CTNNA3: variants seen among roughly 807,000 people sequenced by gnomAD.
CTNNA3 encodes the protein catenin alpha-3.
In CTNNA3, 76 loss-of-function variants were observed where a neutral mutation model predicts 95.7. The observed-to-expected ratio is 0.79, with a 90% confidence interval of 0.66 to 0.96. CTNNA3 has a LOEUF of 0.96. CTNNA3 is among the 40% of genes least tolerant of loss of function. The pLI, the probability that CTNNA3 is intolerant of heterozygous loss-of-function variation, is 0.00. For synonymous variants in CTNNA3, 431 were observed against 374.4 expected (o/e 1.15, Z -1.74); for missense variants, 1,191 against 1,089.8 (o/e 1.09, Z -1.31).
chr10:66,077,348 A>AT (rs2080587113), intron 14 of CTNNA3, among the ~76,000 whole-genome samples: 1 of 151,762 alleles, frequency 6.6e-6, no homozygotes, highest in Non-Finnish European at 1.5e-5. Context: ...ATTTTCTACA[A>AT]TTTTTTGTGG....
At chr10:67,387,713 G>C (rs1417495066) in intron 5 of CTNNA3, among the ~76,000 whole-genome samples, 1 of 152,208 alleles carries the variant, frequency 6.6e-6, no homozygotes, top group Non-Finnish European at 1.5e-5. Context: ...CTGGAGATCT[G>C]AGAACCAGCA....
chr10:66,650,939 T>C (rs964366406), intron 9 of CTNNA3, among the ~76,000 whole-genome samples: 1 of 152,166 alleles, frequency 6.6e-6, no homozygotes, highest in Non-Finnish European at 1.5e-5. Context: ...TTGCCACCGC[T>C]GGCTCGGGCA....
At chr10:66,279,526 G>T (rs978086468) in intron 13 of CTNNA3, among the ~76,000 whole-genome samples, 3 of 152,012 alleles carry the variant, frequency 2.0e-5, no homozygotes, top group Non-Finnish European at 4.4e-5. Flanking sequence ...CACCCAGGAT[G>T]AATAGGTGGC....
chr10:66,212,613 GTAAAAGATTTTTAATTTAGTAT>G (rs1286441827), intron 13 of CTNNA3, among the ~76,000 whole-genome samples: 1 of 152,098 alleles, frequency 6.6e-6, no homozygotes, highest in Non-Finnish European at 1.5e-5. Context: ...GTGTGCTGTT[GTAAAAGATTTTTAATTTAGTAT>G]TTGAATTATG....
chr10:66,507,564 T>G (rs1840494310), intron 11 of CTNNA3, among the ~76,000 whole-genome samples: 1 of 152,090 alleles, frequency 6.6e-6, no homozygotes. Flanking sequence ...ATGAGCTCAT[T>G]GTTTTGCTCC....
At chr10:65,987,836 AC>A (rs1307938396) in intron 16 of CTNNA3, among the ~76,000 whole-genome samples, 1 of 151,832 alleles carries the variant, frequency 6.6e-6, no homozygotes. Context: ...GTATACAAGC[AC>A]AATGGAATAT....
intron 10 of CTNNA3, among the ~76,000 whole-genome samples, chr10:66,561,639 A>ACT (rs1488028309): frequency 6.6e-6 from 1 of 151,986 alleles, no homozygotes; most frequent in Admixed American, 6.6e-5. Context: ...AAGTTAAAGG[A>ACT]CTCTGATGAG....
intron 5 of CTNNA3, among the ~76,000 whole-genome samples, chr10:67,227,520 A>G (rs992787780): frequency 4.6e-5 from 7 of 152,232 alleles, no homozygotes; most frequent in Non-Finnish European, 8.8e-5. Context: ...CTAAACATAT[A>G]TGCAACACTG....
At chr10:66,978,474 T>A (rs1589533729) in intron 7 of CTNNA3, among the ~76,000 whole-genome samples, 1 of 131,414 alleles carries the variant, frequency 7.6e-6, no homozygotes, top group Non-Finnish European at 1.5e-5. Flanking sequence ...TTGCAGTGAG[T>A]CTAGATCACA....
At chr10:65,957,064 G>C (rs1459722825) in intron 17 of CTNNA3, among the ~76,000 whole-genome samples, 3 of 152,138 alleles carry the variant, frequency 2.0e-5, no homozygotes, top group African/African-American at 4.8e-5. Context: ...TTATGAGTCT[G>C]GGTGCTTCTG....
At chr10:67,471,665 A>G (rs1847834906) in intron 5 of CTNNA3, among the ~76,000 whole-genome samples, 1 of 152,214 alleles carries the variant, frequency 6.6e-6, no homozygotes, top group African/African-American at 2.4e-5. Context: ...GGTTTGGTAC[A>G]AGAGGGGCAA....
intron 11 of CTNNA3, among the ~76,000 whole-genome samples, chr10:66,383,181 G>A (rs2092856331): frequency 6.6e-6 from 1 of 152,122 alleles, no homozygotes; most frequent in East Asian, 1.9e-4. Context: ...CCATTGCAAG[G>A]AAGCTAAAAA....
chr10:66,832,737 T>C (rs1478814997), intron 7 of CTNNA3, among the ~76,000 whole-genome samples: 1 of 152,074 alleles, frequency 6.6e-6, no homozygotes, highest in East Asian at 1.9e-4. Flanking sequence ...ACTTCTCATT[T>C]TAAAGGTCAG....
At chr10:67,471,712 T>G (rs888391182) in intron 5 of CTNNA3, among the ~76,000 whole-genome samples, 1 of 152,188 alleles carries the variant, frequency 6.6e-6, no homozygotes, top group African/African-American at 2.4e-5. Context: ...TTTTTAGACA[T>G]GCCTGCATCT....
At chr10:66,388,673 TTA>T (rs56209850) in intron 11 of CTNNA3, among the ~76,000 whole-genome samples, 11,585 of 150,118 alleles carry the variant, frequency 0.077, 558 homozygotes, top group East Asian at 0.23. Context: ...TATGAAAAAA[TTA>T]TAAATAAAAT....
intron 9 of CTNNA3, among the ~76,000 whole-genome samples, chr10:66,757,011 G>A (rs904757675): frequency 6.6e-6 from 1 of 152,074 alleles, no homozygotes; most frequent in African/African-American, 2.4e-5. Context: ...AAACAAACAG[G>A]CTTTTACATT....
intron 5 of CTNNA3, among the ~76,000 whole-genome samples, chr10:67,463,474 G>A (rs74142805): frequency 0.043 from 6,578 of 152,124 alleles, 433 homozygotes; most frequent in African/African-American, 0.14. Context: ...AAAGGACATC[G>A]CCTTTCTAGC....
intron 9 of CTNNA3, among the ~76,000 whole-genome samples, chr10:66,663,426 A>C (rs1295980467): frequency 6.7e-6 from 1 of 149,818 alleles, no homozygotes; most frequent in Non-Finnish European, 1.5e-5. Flanking sequence ...TTAGTTTCTT[A>C]CTTCTATGCA....
At chr10:67,400,875 G>A (rs1844890651) in intron 5 of CTNNA3, among the ~76,000 whole-genome samples, 2 of 152,216 alleles carry the variant, frequency 1.3e-5, no homozygotes, top group South Asian at 4.1e-4. Context: ...TTAAATTACA[G>A]AGAAATTTAC....
Sources: allele counts gnomAD v4.1 joint callset (sites outside exome capture counted in the v4.1 genomes callset), GRCh38; gene constraint gnomAD v4.1.1; transcripts MANE v1.5; gene names NCBI Gene and HGNC (gene_info 2026-07-23, HGNC 2026-07-21).